The following TBC1D14 variants were observed in gnomAD, a reference collection of about 807,000 sequenced individuals.
TBC1D14 encodes TBC1 domain family, member 14.
In TBC1D14, 26 loss-of-function variants were observed where a neutral mutation model predicts 79.0. The observed-to-expected ratio is 0.33, with a 90% CI of 0.24 to 0.46. The LOEUF (loss-of-function observed/expected upper bound fraction) is 0.46. TBC1D14 is among the 20% of genes least tolerant of loss of function. TBC1D14 has a pLI of 1.00. For synonymous variants in TBC1D14, 394 were observed against 349.9 expected, an observed-to-expected ratio of 1.13 and a Z score of -1.40; for missense variants, 769 against 887.6, an observed-to-expected ratio of 0.87 and a Z score of 1.70.
At chr4:6,952,821 T>C (rs942886079) in intron 2 of TBC1D14, among the ~76,000 whole-genome samples, 1 of 151,890 alleles carries the variant, frequency 6.6e-6, no homozygotes, top group South Asian at 2.1e-4. Flanking sequence ...ATGCTGGTGG[T>C]TTAGACTAGT....
At chr4:6,920,163 G>A (rs952561710) in intron 1 of TBC1D14, among the ~76,000 whole-genome samples, 9 of 152,126 alleles carry the variant, frequency 5.9e-5, no homozygotes, top group Non-Finnish European at 8.8e-5. Flanking sequence ...GTCTATTTCT[G>A]AATTCTGCAT....
chr4:7,011,697 C>T (rs1022564013), intron 11 of TBC1D14, among the ~76,000 whole-genome samples: 6 of 151,914 alleles, frequency 3.9e-5, no homozygotes, highest in African/African-American at 1.5e-4. Context: ...GCTGGGATTA[C>T]AGGTGTCTGC....
intron 1 of TBC1D14, among the ~76,000 whole-genome samples, chr4:6,915,094 A>G (rs1259834936): frequency 6.6e-6 from 1 of 152,170 alleles, no homozygotes; most frequent in African/African-American, 2.4e-5. Context: ...GGAGCCCTCT[A>G]CCAGGCAGGC....
rs771093855 is a variant in TBC1D14 at position 6,924,109 on chromosome 4, A to G, written c.720A>G (p.Ala240=). 2.5e-6 allele frequency: 4 copies of G among 1,610,636 alleles called. No individual in the cohort carries two copies. Among genetic ancestry groups the G allele is most frequent in the Middle Eastern group, 1.7e-4 (1 of 6,028 alleles). Residue 240 remains alanine (A), a splice_region_variant and synonymous_variant, in exon 2 of 14, where the codon GCA becomes GCG. Coordinates refer to ENST00000409757, the MANE Select transcript of TBC1D14 (RefSeq NM_020773.3). ...KILGPFSNFF[A]RNLLARKQSA... Reference sequence around the variant, plus strand: ...TGGGGCCATTTAGTAACTTCTTTGCAAGGTAATGCCATCTTTGCCCTCTAG... The same window carrying G: ...TGGGGCCATTTAGTAACTTCTTTGCGAGGTAATGCCATCTTTGCCCTCTAG...
rs538972596 is a variant in TBC1D14, at chr4:6,958,376, T to TATACACACACACACACACACAC, written c.723-8927_723-8926insTACACACACACACACACACACA. The stretch of plus-strand genomic sequence containing the variant: ...GGGTGATACACGTGATCCCCACATA[T>TATACACACACACACACACACAC]ACACACACACACACACACACACACA... On this transcript the variant is annotated intron_variant, in intron 2 of 13. Coordinates refer to ENST00000409757, the MANE Select transcript of TBC1D14 (RefSeq NM_020773.3). Among the ~76,000 whole-genome samples, 1,167 of 149,186 alleles carry TATACACACACACACACACACAC rather than the reference T, an allele frequency of 7.8e-3. 6 individuals are homozygous for TATACACACACACACACACACAC. Among genetic ancestry groups the TATACACACACACACACACACAC allele is most frequent in the Middle Eastern group, 0.01 (3 of 290 alleles).
intron 3 of TBC1D14, among the ~76,000 whole-genome samples, chr4:6,973,530 T>C (rs967348306): frequency 4.6e-5 from 7 of 152,126 alleles, no homozygotes; most frequent in African/African-American, 1.2e-4. Flanking sequence ...AATGCAGATA[T>C]AAAACCTGAA....
In TBC1D14 at chr4:6,946,564, A is replaced by G. The variant is rs1054141594; in HGVS notation, c.723-20740A>G. On this transcript the variant is annotated intron_variant, in intron 2 of 13. Transcript: ENST00000409757. Reference sequence around the variant, plus strand: ...TCTCGAACTCCTAACCTTGTGATCCACCTGCCTCGGCCTTCCAAAGTGCTG... The same window carrying G: ...TCTCGAACTCCTAACCTTGTGATCCGCCTGCCTCGGCCTTCCAAAGTGCTG... 8.6e-5 allele frequency among the ~76,000 whole-genome samples: 13 copies of G among 152,036 alleles called. No individual in the cohort carries two copies. The South Asian group carries it at 2.1e-3, about 24-fold the overall frequency.
chr4:6,912,894 C>G (rs535881517), intron 1 of TBC1D14, among the ~76,000 whole-genome samples: 1 of 152,228 alleles, frequency 6.6e-6, no homozygotes, highest in Non-Finnish European at 1.5e-5. Flanking sequence ...AGCTGGTGAG[C>G]GAAGGAGCTG....
rs370386740 is a variant in TBC1D14 at position 7,025,220 on chromosome 4, C to T, written c.1974C>T (p.Ile658=). ...CCGCCGAGGAGCTGTTTGCCTCCAT[C>T]GCCACGATCCAGATGCAGAGCCGAA... The part of the protein sequence containing the change: ...DLPAEELFAS[I]ATIQMQSRNK... The change falls in exon 13 of 14, where the codon ATC becomes ATT. Residue 658 remains isoleucine (I), a synonymous_variant. Transcript: ENST00000409757. 4.6e-5 allele frequency: 75 copies of T among 1,614,252 alleles called. No homozygotes were observed. Among genetic ancestry groups the T allele is most frequent in the Non-Finnish European group, 5.8e-5 (69 of 1,180,044 alleles).
At chr4:6,963,912 C>T (rs1463763409) in intron 2 of TBC1D14, among the ~76,000 whole-genome samples, 1 of 152,022 alleles carries the variant, frequency 6.6e-6, no homozygotes, top group Non-Finnish European at 1.5e-5. Flanking sequence ...TTCTTTGTGC[C>T]TCAGCCTCCT....
Position 7,001,209 on chromosome 4 carries a change from G to A in TBC1D14, c.1228G>A (p.Val410Ile). ...QGIPPSVRGK[V>I]WSLAIGNELN... ...AATCCCTCCAAGTGTGAGAGGCAAA[G>A]TCTGGAGCTTAGCCATTGGCAACGA... The change falls in exon 7 of 14, where the codon GTC becomes ATC. Residue 410 changes from valine (V) to isoleucine (I), a missense_variant. By Grantham distance (29) the Val-to-Ile change is conservative. Around this residue, in one of 2 missense-constraint regions of TBC1D14, gnomAD observed 367 missense variants for 494.4 expected, o/e 0.74. Transcript: ENST00000409757. 2 of 1,614,176 alleles carry A rather than the reference G, an allele frequency of 1.2e-6. No homozygotes were observed. Among genetic ancestry groups the A allele is most frequent in the East Asian group, 2.2e-5 (1 of 44,890 alleles).
intron 3 of TBC1D14, among the ~76,000 whole-genome samples, chr4:6,989,724 C>T (rs1718293999): frequency 6.6e-6 from 1 of 152,142 alleles, no homozygotes; most frequent in Admixed American, 6.5e-5. Flanking sequence ...TGGCCCCTTC[C>T]CTCTTGCCCT....
chr4:6,969,557 C>G (rs900456992), intron 3 of TBC1D14, among the ~76,000 whole-genome samples: 6 of 152,154 alleles, frequency 3.9e-5, no homozygotes, highest in Admixed American at 6.5e-5. Context: ...AGGTGCCCAC[C>G]ACCGCGCCTG....
intron 2 of TBC1D14, among the ~76,000 whole-genome samples, chr4:6,951,368 G>A (rs546239481): frequency 1.3e-5 from 2 of 152,182 alleles, no homozygotes; most frequent in South Asian, 4.1e-4. Context: ...CCATTTTATT[G>A]TATATGAATT....
chr4:6,961,209 C>CA (rs1348899750), intron 2 of TBC1D14, among the ~76,000 whole-genome samples: 1 of 68,208 alleles, frequency 1.5e-5, no homozygotes, highest in African/African-American at 3.7e-5. Context: ...CTCTGGCTTA[C>CA]AGGTAGGCTC....
intron 5 of TBC1D14, 151 bp downstream of exon 5, chr4:6,996,558 C>T (rs943107820): frequency 1.7e-5 from 11 of 632,010 alleles, no homozygotes; most frequent in South Asian, 4.0e-5. Context: ...AAGATGCATG[C>T]GGAAAGCCCC....
intron 4 of TBC1D14, among the ~76,000 whole-genome samples, chr4:6,996,040 G>A (rs1481095310): frequency 1.7e-4 from 26 of 150,578 alleles, no homozygotes; most frequent in Admixed American, 1.7e-3. Context: ...GTTTCACCAT[G>A]TTAGCCAGGA....
chr4:6,937,845 G>A (rs1327848810), intron 2 of TBC1D14, among the ~76,000 whole-genome samples: 3 of 152,108 alleles, frequency 2.0e-5, no homozygotes, highest in Non-Finnish European at 4.4e-5. Context: ...GAGGGTAGTG[G>A]GGGGTCGTCA....
intron 3 of TBC1D14, among the ~76,000 whole-genome samples, chr4:6,968,237 A>C (rs951229004): frequency 1.3e-5 from 2 of 152,090 alleles, no homozygotes; most frequent in Admixed American, 1.3e-4. Context: ...TTGGCACCGG[A>C]GTTGGAAGGG....
Sources: gnomAD v4.1 joint callset for allele counts (sites outside exome capture counted in the v4.1 genomes callset) on GRCh38, gnomAD v4.1.1 for gene constraint, gnomAD v4.1.1 regional missense constraint, MANE v1.5 for transcripts, NCBI Gene and HGNC (gene_info 2026-07-23, HGNC 2026-07-21) for gene names.